The following NBAS variants were observed in gnomAD, a reference collection of about 807,000 sequenced individuals.
NBAS encodes the protein NAG/BC035112 fusion.
In NBAS, 219 loss-of-function variants were observed where a neutral mutation model predicts 302.5. The observed-to-expected ratio is 0.72, with a 90% CI of 0.65 to 0.81. The LOEUF is 0.81. NBAS is among the 30% of genes least tolerant of loss of function. NBAS has a pLI of 0.00. For missense variants in NBAS, 2,932 were observed against 2,841.6 expected (o/e 1.03, Z -0.72); for synonymous variants, 1,118 against 1,021.6 (o/e 1.09, Z -1.80).
At chr2:15,270,022 T>C (rs1280974931) in intron 44 of NBAS, among the ~76,000 whole-genome samples, 1 of 152,218 alleles carries the variant, frequency 6.6e-6, no homozygotes, top group Non-Finnish European at 1.5e-5. Context: ...AGAATCCAGC[T>C]GTGTTCTATT....
the NBAS span, among the ~76,000 whole-genome samples, chr2:14,795,642 C>G: frequency 3.9e-5 from 6 of 152,264 alleles, no homozygotes; most frequent in South Asian, 2.1e-4. Flanking sequence ...ATTTGCCTAA[C>G]CCAAAGATTT....
chr2:15,166,686 C>T (rs373490589), downstream of NBAS, among the ~76,000 whole-genome samples: 109 of 152,274 alleles, frequency 7.2e-4, no homozygotes, highest in African/African-American at 2.3e-3. Context: ...CTGCCTTGAC[C>T]GCCAGGCATT....
the NBAS span, among the ~76,000 whole-genome samples, chr2:14,987,526 C>T: frequency 6.6e-6 from 1 of 151,654 alleles, no homozygotes; most frequent in Non-Finnish European, 1.5e-5. Context: ...GAAGGTACCA[C>T]CTTAGACATT....
chr2:15,092,298 T>C, the NBAS span, among the ~76,000 whole-genome samples: 1 of 152,148 alleles, frequency 6.6e-6, no homozygotes, highest in East Asian at 1.9e-4. Flanking sequence ...GTGAGTCAAT[T>C]TGCATACATT....
chr2:14,786,867 TGG>T, the NBAS span, among the ~76,000 whole-genome samples: 2 of 152,184 alleles, frequency 1.3e-5, no homozygotes, highest in Admixed American at 6.5e-5. Flanking sequence ...GTTCAATTCC[TGG>T]GTATCCTTGT....
At chr2:15,373,434 G>C (rs560581357) in intron 31 of NBAS, among the ~76,000 whole-genome samples, 17 of 152,080 alleles carry the variant, frequency 1.1e-4, no homozygotes, top group African/African-American at 3.9e-4. Flanking sequence ...GGGCTCAAGC[G>C]GTCCTCCCAC....
chr2:14,965,149 G>C, the NBAS span, among the ~76,000 whole-genome samples: 2 of 151,816 alleles, frequency 1.3e-5, no homozygotes, highest in African/African-American at 4.8e-5. Context: ...CAAATTAAGT[G>C]CAAAGAAAGC....
intron 44 of NBAS, among the ~76,000 whole-genome samples, chr2:15,256,308 A>ATTG (rs1282273858): frequency 6.6e-6 from 1 of 151,726 alleles, no homozygotes; most frequent in Non-Finnish European, 1.5e-5. Flanking sequence ...TATTATTATT[A>ATTG]TTATTTGCAG....
At chr2:15,245,198 T>A (rs891261529) in intron 44 of NBAS, among the ~76,000 whole-genome samples, 1 of 152,168 alleles carries the variant, frequency 6.6e-6, no homozygotes, top group Non-Finnish European at 1.5e-5. Context: ...CAGTCTTTCA[T>A]GCCCTATCAG....
chr2:14,912,121 G>A, the NBAS span, among the ~76,000 whole-genome samples: 2 of 152,142 alleles, frequency 1.3e-5, no homozygotes, highest in Non-Finnish European at 2.9e-5. Flanking sequence ...ACAATAGACA[G>A]TATTTCTATA....
At chr2:15,088,719 G>T in the NBAS span, among the ~76,000 whole-genome samples, 10 of 152,228 alleles carry the variant, frequency 6.6e-5, no homozygotes, top group Admixed American at 4.6e-4. Flanking sequence ...AGAGCTTGAA[G>T]AAATTTCTTT....
At chr2:14,801,359 A>T in the NBAS span, among the ~76,000 whole-genome samples, 6 of 151,984 alleles carry the variant, frequency 3.9e-5, no homozygotes. Flanking sequence ...ATTTTAAAAA[A>T]TTTTTTGTGT....
chr2:15,280,099 A>C (rs1321502400), intron 42 of NBAS, among the ~76,000 whole-genome samples: 2 of 152,232 alleles, frequency 1.3e-5, no homozygotes, highest in Non-Finnish European at 2.9e-5. Context: ...AGAAGAAGCC[A>C]GCATTAGTTG....
At chr2:15,405,981 T>C (rs1558310186) in intron 25 of NBAS, among the ~76,000 whole-genome samples, 1 of 151,908 alleles carries the variant, frequency 6.6e-6, no homozygotes, top group African/African-American at 2.4e-5. Context: ...ATACAAATAT[T>C]GGTCTCCCTA....
intron 18 of NBAS, 55 bp from the exon 19 acceptor site, chr2:15,467,462 G>A: frequency 6.8e-7 from 1 of 1,462,900 alleles, no homozygotes; most frequent in South Asian, 1.1e-5. Context: ...TATTTCTCTA[G>A]GAGTTATAAT....
intron 19 of NBAS, among the ~76,000 whole-genome samples, chr2:15,464,585 C>A (rs556700154): frequency 6.6e-6 from 1 of 152,242 alleles, no homozygotes; most frequent in African/African-American, 2.4e-5. Context: ...AATATAAAAA[C>A]AATACTTCTT....
At chr2:15,464,064 G>A (rs1252741006) in intron 19 of NBAS, among the ~76,000 whole-genome samples, 1 of 152,090 alleles carries the variant, frequency 6.6e-6, no homozygotes, top group African/African-American at 2.4e-5. Context: ...TGAGCAATGG[G>A]CACATCGGGC....
At chr2:15,250,208 G>A (rs1463340442) in intron 44 of NBAS, among the ~76,000 whole-genome samples, 3 of 152,144 alleles carry the variant, frequency 2.0e-5, no homozygotes. Context: ...AACAAGCAAT[G>A]GGGAAAGGAT....
At chr2:15,107,868 T>C in the NBAS span, among the ~76,000 whole-genome samples, 1 of 152,092 alleles carries the variant, frequency 6.6e-6, no homozygotes, top group South Asian at 2.1e-4. Flanking sequence ...GGCCCCAAGT[T>C]ATTATTGATC....
Sources: allele counts gnomAD v4.1 joint callset (sites outside exome capture counted in the v4.1 genomes callset), GRCh38; gene constraint gnomAD v4.1.1; transcripts MANE v1.5; gene names NCBI Gene and HGNC (gene_info 2026-07-23, HGNC 2026-07-21).